Variants in CCDC160 observed in about 807,000 individuals in gnomAD.
CCDC160 encodes the protein coiled-coil domain containing 160.
For synonymous variants in CCDC160, 94 were observed against 79.4 expected (o/e 1.18, Z -0.98); for missense variants, 227 against 215.6 (o/e 1.05, Z -0.33).
At chrX:134,244,856 C>T in exon 2 of CCDC160, 1 of 1,189,975 alleles carries the variant, frequency 8.4e-7, no homozygotes, top group Non-Finnish European at 1.1e-6. Flanking sequence ...TTTTTTAGTG[C>T]ACAAGATGTT....
chrX:134,242,417 G>C (rs1423577892), intron 1 of CCDC160, among the ~76,000 whole-genome samples: 1 of 111,150 alleles, frequency 9.0e-6, no homozygotes, highest in African/African-American at 3.3e-5. Flanking sequence ...GTGTGGCCTT[G>C]GTCAAGTCAC....
exon 2 of CCDC160, chrX:134,245,494 C>A (rs2077040181): frequency 1.7e-6 from 2 of 1,191,424 alleles, no homozygotes; most frequent in East Asian, 3.0e-5. Context: ...AGAAGTCATC[C>A]ACAAATTGAA....
intron 1 of CCDC160, among the ~76,000 whole-genome samples, chrX:134,242,867 C>A (rs764525490): frequency 1.8e-5 from 2 of 110,803 alleles, no homozygotes; most frequent in Non-Finnish European, 3.8e-5. Flanking sequence ...GCCATTGCTA[C>A]CTGATTAGAA....
chrX:134,242,585 GTGCA>G (rs1200421023), intron 1 of CCDC160, among the ~76,000 whole-genome samples: 1 of 110,894 alleles, frequency 9.0e-6, no homozygotes, highest in Non-Finnish European at 1.9e-5. Context: ...GTGTGTGTGT[GTGCA>G]TGTGTGCATA....
chrX:134,245,637 T>G, exon 2 of CCDC160: 1 of 1,210,165 alleles, frequency 8.3e-7, no homozygotes. Context: ...GAGAGCTCAG[T>G]GTCATCAAGA....
chrX:134,244,711 C>A, intron 1 of CCDC160, 66 bp from the exon 3 acceptor site: 1 of 979,916 alleles, frequency 1.0e-6, no homozygotes, highest in Non-Finnish European at 1.3e-6. Context: ...ATTTTTATTT[C>A]TTTCTACTAT....
chrX:134,244,402 A>G (rs2077035823), intron 1 of CCDC160, among the ~76,000 whole-genome samples: 1 of 112,586 alleles, frequency 8.9e-6, no homozygotes, highest in Non-Finnish European at 1.9e-5. Context: ...AAGCACAGGT[A>G]TTACCAACAT....
chrX:134,245,222 T>C (rs1306203801), exon 2 of CCDC160: 1 of 1,196,762 alleles, frequency 8.4e-7, no homozygotes, highest in African/African-American at 1.7e-5. Flanking sequence ...ATGGAAAGAA[T>C]GTCTCCAAAA....
At chrX:134,246,383 G>A (rs1211076220), downstream of CCDC160, among the ~76,000 whole-genome samples, 3 of 111,375 alleles carry the variant, frequency 2.7e-5, no homozygotes, top group African/African-American at 9.8e-5. Context: ...ACCTGGCCAC[G>A]GTTCCCATAG....
At chrX:134,241,279 A>G (rs768186969) in intron 1 of CCDC160, among the ~76,000 whole-genome samples, 6 of 111,862 alleles carry the variant, frequency 5.4e-5, no homozygotes, top group Non-Finnish European at 7.5e-5. Context: ...TTCTTTGCTT[A>G]GCTCTCAACA....
intron 1 of CCDC160, among the ~76,000 whole-genome samples, 137 bp from the exon 2 acceptor site, chrX:134,238,613 C>T (rs1278285427): frequency 9.1e-5 from 10 of 110,420 alleles, no homozygotes; most frequent in African/African-American, 3.3e-4. Flanking sequence ...CCTTGTGATC[C>T]GCCCGCCTCA....
chrX:134,244,434 CTTTTT>C (rs997497775), intron 1 of CCDC160, among the ~76,000 whole-genome samples: 3 of 112,082 alleles, frequency 2.7e-5, no homozygotes, highest in East Asian at 2.8e-4. Flanking sequence ...TTTCAAATCA[CTTTTT>C]TTTATTTTAA....
chrX:134,246,004 A>AGGGT (rs752151774), downstream of CCDC160: 1 of 179,700 alleles, frequency 5.6e-6, no homozygotes, highest in African/African-American at 3.4e-5. Context: ...CTCATATCAG[A>AGGGT]GTGTGTGTGT....
At chrX:134,242,968 CTGT>C (rs2077032008) in intron 1 of CCDC160, among the ~76,000 whole-genome samples, 2 of 111,750 alleles carry the variant, frequency 1.8e-5, no homozygotes, top group Non-Finnish European at 3.8e-5. Context: ...TCTCCTCTCT[CTGT>C]TCCTTTCCTC....
chrX:134,243,845 G>C (rs904082155), intron 1 of CCDC160, among the ~76,000 whole-genome samples: 5 of 111,712 alleles, frequency 4.5e-5, no homozygotes, highest in Non-Finnish European at 9.4e-5. Flanking sequence ...TCAGGTGCCA[G>C]TGGCCCTCCA....
chrX:134,242,223 C>T (rs1159443810), intron 1 of CCDC160, among the ~76,000 whole-genome samples: 1 of 111,704 alleles, frequency 9.0e-6, no homozygotes, highest in Non-Finnish European at 1.9e-5. Flanking sequence ...ATGCAGTTCT[C>T]CTTACCCTCC....
chrX:134,244,769 T>A lies in CCDC160; in HGVS notation c.-24-8T>A. 1 of 1,133,171 alleles carries A rather than the reference T, an allele frequency of 8.8e-7. No homozygotes were observed. The highest frequency in any genetic ancestry group is 1.2e-6 in the Non-Finnish European group (1 of 860,599). The allele number at this position is 1,133,171 out of a possible 1,213,427, so 93.4% of individuals were successfully genotyped here. ...GTGCCTGCCTTGGTTTTAAATTTTG[T>A]TTTTCAGATATTGGAAGAGGTGCCT... On this transcript the variant is annotated splice_region_variant and splice_polypyrimidine_tract_variant and intron_variant, in intron 1 of 1. Coordinates refer to ENST00000370809, the Ensembl canonical transcript of CCDC160.
At chrX:134,238,367 CTT>C (rs1161935568) in intron 1 of CCDC160, among the ~76,000 whole-genome samples, 26 of 75,499 alleles carry the variant, frequency 3.4e-4, no homozygotes, top group African/African-American at 1.0e-3. Context: ...TATCACTTGT[CTT>C]TTTTTTTTTT....
intron 1 of CCDC160, among the ~76,000 whole-genome samples, chrX:134,242,766 C>G (rs113909592): frequency 9.0e-6 from 1 of 111,147 alleles, no homozygotes; most frequent in South Asian, 3.9e-4. Context: ...AAAGTGTCCA[C>G]ACTTTACTTG....
Sources: allele counts gnomAD v4.1 joint callset (sites outside exome capture counted in the v4.1 genomes callset), GRCh38; gene constraint gnomAD v4.1.1; transcripts MANE v1.5; gene names NCBI Gene and HGNC (gene_info 2026-07-23, HGNC 2026-07-21).